Variants in SMG6 observed in about 807,000 individuals in gnomAD.
SMG6 encodes SMG6 nonsense mediated mRNA decay factor, also known as telomerase-binding protein EST1A.
SMG6 carries 66 observed loss-of-function variants against 142.2 expected under a neutral mutation model. The observed-to-expected ratio is 0.46, with a 90% CI of 0.38 to 0.57. SMG6 has a LOEUF of 0.57. SMG6 is among the 20% of genes least tolerant of loss of function. The probability of loss-of-function intolerance (pLI) is 0.00; values close to 1 mark genes in which losing one functional copy is unlikely to be tolerated. For synonymous variants in SMG6, 779 were observed against 702.4 expected (o/e 1.11, Z -1.72); for missense variants, 1,793 against 1,832.0 (o/e 0.98, Z 0.39).
At chr17:2,286,808 GAA>G (rs2074915111) in intron 6 of SMG6, among the ~76,000 whole-genome samples, 1 of 151,504 alleles carries the variant, frequency 6.6e-6, no homozygotes, top group South Asian at 2.1e-4. Flanking sequence ...TCAGCAGAAT[GAA>G]AAGACAATCC....
chr17:2,139,702 G>A (rs1174141653), intron 13 of SMG6, among the ~76,000 whole-genome samples: 1 of 151,042 alleles, frequency 6.6e-6, no homozygotes, highest in African/African-American at 2.4e-5. Flanking sequence ...CTACAGGTGT[G>A]AGCCACTGTG....
At chr17:2,126,787 C>CA in intron 13 of SMG6, among the ~76,000 whole-genome samples, 1 of 151,084 alleles carries the variant, frequency 6.6e-6, no homozygotes, top group Non-Finnish European at 1.5e-5. Flanking sequence ...GGTGGAAACT[C>CA]ACACCAGTAA....
At position 2,247,199 on chromosome 17, in the gene SMG6, A is replaced by C. The variant is rs183891610; in HGVS notation, c.2662-2480T>G. 6.8e-4 allele frequency among the ~76,000 whole-genome samples: 103 copies of C among 152,354 alleles called. 1 individual carries two copies. The highest frequency in any genetic ancestry group is 3.4e-3 in the Middle Eastern group (1 of 294). On this transcript the variant is annotated intron_variant, in intron 8 of 18. Coordinates refer to ENST00000263073, the MANE Select transcript of SMG6 (RefSeq NM_017575.5). ...TTGACCTGTAAACACTCAATTGTTA[A>C]CATTCTCTCCTAACAAATGATGAAG...
intron 10 of SMG6, among the ~76,000 whole-genome samples, chr17:2,221,779 T>C (rs1156740578): frequency 6.6e-6 from 1 of 152,234 alleles, no homozygotes; most frequent in Non-Finnish European, 1.5e-5. Flanking sequence ...AGTCTTGCAA[T>C]GTTGCCCAGG....
At chr17:2,224,686 G>GA (rs60447496) in intron 10 of SMG6, among the ~76,000 whole-genome samples, 152,312 of 152,312 alleles carry the variant, frequency 1, 76,156 homozygotes, top group Non-Finnish European at 1. Flanking sequence ...TTTGAAAAAA[G>GA]ACACTAAGAG....
At position 2,188,613 on chromosome 17, in the gene SMG6, G is replaced by T. The variant is rs570702209; in HGVS notation, c.2870-98C>A. ...TTCCTTTTCCTCACTGAAGACTAGG[G>T]CTAGTGATATTCCCTCTCTCAGAGT... On this transcript the variant is annotated intron_variant, in intron 10 of 18. Transcript: ENST00000263073. 5 of 1,001,112 alleles carry T rather than the reference G, an allele frequency of 5.0e-6. No individual in the cohort carries two copies. The Admixed American group carries it at 8.3e-5, about 17-fold the overall frequency. The allele number at this position is 1,001,112 out of a possible 1,614,324, so 62.0% of individuals were successfully genotyped here.
chr17:2,185,499 A>G (rs2071950593), intron 12 of SMG6, among the ~76,000 whole-genome samples: 1 of 152,166 alleles, frequency 6.6e-6, no homozygotes, highest in African/African-American at 2.4e-5. Flanking sequence ...CCACAATTAA[A>G]AAAAAGAAAA....
At chr17:2,169,311 TAAA>T (rs879584928) in intron 13 of SMG6, among the ~76,000 whole-genome samples, 3 of 136,866 alleles carry the variant, frequency 2.2e-5, no homozygotes, top group African/African-American at 5.4e-5. Context: ...ACTCATCTCT[TAAA>T]AAAAAAAAAA....
At chr17:2,255,935 G>T (rs1034489390) in intron 8 of SMG6, 2 of 212,290 alleles carry the variant, frequency 9.4e-6, no homozygotes, top group Non-Finnish European at 1.8e-5. Context: ...AGGGTTGAAT[G>T]GATTAAGGGC....
At chr17:2,252,944 T>C (rs561272871) in intron 8 of SMG6, among the ~76,000 whole-genome samples, 1 of 151,904 alleles carries the variant, frequency 6.6e-6, no homozygotes, top group Non-Finnish European at 1.5e-5. Context: ...AAGAGAATAT[T>C]TGATGACATG....
In SMG6 at chr17:2,106,571, G is replaced by A. The variant is rs183898441; in HGVS notation, c.3358-20670C>T. Among the ~76,000 whole-genome samples, 322 of 152,280 alleles carry A rather than the reference G, an allele frequency of 2.1e-3. 2 individuals are homozygous for A. The highest frequency in any genetic ancestry group is 5.6e-3 in the African/African-American group (232 of 41,548). On this transcript the variant is annotated intron_variant, in intron 13 of 18. Transcript: ENST00000263073. ...GACCAGAGAGGTCTTATGTCCCACA[G>A]GAATAACTCCGAGGACAAGGGAAAG...
chr17:2,110,258 T>A (rs2069274827), intron 13 of SMG6, among the ~76,000 whole-genome samples: 1 of 151,942 alleles, frequency 6.6e-6, no homozygotes, highest in Non-Finnish European at 1.5e-5. Flanking sequence ...CTTAGTAACG[T>A]GGAGTTCAGA....
At chr17:2,280,256 G>A (rs943273885) in intron 8 of SMG6, among the ~76,000 whole-genome samples, 1 of 151,956 alleles carries the variant, frequency 6.6e-6, no homozygotes, top group African/African-American at 2.4e-5. Flanking sequence ...TTATGAAACT[G>A]CAGATTTCTT....
chr17:2,138,206 G>A (rs905763670), intron 13 of SMG6, among the ~76,000 whole-genome samples: 4 of 152,030 alleles, frequency 2.6e-5, no homozygotes, highest in Non-Finnish European at 5.9e-5. Flanking sequence ...TACGGTAAAG[G>A]TAGGCAGTGG....
intron 8 of SMG6, chr17:2,265,979 G>A (rs769620665): frequency 7.8e-5 from 77 of 984,982 alleles, no homozygotes; most frequent in Non-Finnish European, 8.8e-5. Flanking sequence ...TCTCATTCTC[G>A]TCCCCTGTGC....
At position 2,133,644 on chromosome 17, in the gene SMG6, C is replaced by A. The variant is rs556112054; in HGVS notation, c.3357+39014G>T. ...CCTAGAACTCCTGGGCTCCAGTGAT[C>A]CTCCTGCTTCAGCCTCTAGAGTAGC... On this transcript the variant is annotated intron_variant, in intron 13 of 18. Transcript: ENST00000263073. 5.9e-5 allele frequency among the ~76,000 whole-genome samples: 9 copies of A among 152,268 alleles called. No individual in the cohort carries two copies. The East Asian group carries it at 1.7e-3, about 29-fold the overall frequency.
intron 8 of SMG6, among the ~76,000 whole-genome samples, chr17:2,277,156 TATTTA>T (rs1567740194): frequency 6.0e-4 from 52 of 86,880 alleles, no homozygotes; most frequent in South Asian, 2.0e-3. Flanking sequence ...TTTATTTATT[TATTTA>T]TTTATTTTTT....
chr17:2,073,377 C>G (rs749542679), intron 15 of SMG6, among the ~76,000 whole-genome samples: 1 of 151,940 alleles, frequency 6.6e-6, no homozygotes, highest in Non-Finnish European at 1.5e-5. Flanking sequence ...AGCCACTGTG[C>G]CCAGCGTTTT....
intron 13 of SMG6, among the ~76,000 whole-genome samples, chr17:2,172,164 G>A (rs745577859): frequency 3.3e-5 from 5 of 152,126 alleles, no homozygotes; most frequent in Non-Finnish European, 7.3e-5. Flanking sequence ...CCAGGCAGTG[G>A]GGAATGCTTC....
Sources: gnomAD v4.1 joint callset for allele counts (sites outside exome capture counted in the v4.1 genomes callset) on GRCh38, gnomAD v4.1.1 for gene constraint, MANE v1.5 for transcripts, NCBI Gene and HGNC (gene_info 2026-07-23, HGNC 2026-07-21) for gene names.